Variants in NAALADL2 observed in about 807,000 individuals in gnomAD.
The protein encoded by NAALADL2 is inactive N-acetylated-alpha-linked acidic dipeptidase-like protein 2.
In NAALADL2, 76 loss-of-function variants were observed where a neutral mutation model predicts 87.2. The ratio of observed to expected loss-of-function variants is 0.87; its 90% CI spans 0.72 to 1.05. The LOEUF (loss-of-function observed/expected upper bound fraction) is 1.05, where lower values mean the gene tolerates loss of function less well. Ranked by LOEUF, NAALADL2 falls within the 50% of genes least tolerant of loss-of-function variation. The pLI is 0.00. For synonymous variants in NAALADL2, 354 were observed against 331.0 expected (o/e 1.07, Z -0.75); for missense variants, 1,089 against 945.8 (o/e 1.15, Z -1.99).
At chr3:174,530,501 C>T (rs1222458508) in intron 1 of NAALADL2, among the ~76,000 whole-genome samples, 1 of 152,160 alleles carries the variant, frequency 6.6e-6, no homozygotes, top group Non-Finnish European at 1.5e-5. Flanking sequence ...TACGAATTTA[C>T]TGTGTTAGTC....
At chr3:175,242,752 G>A (rs77566629) in intron 3 of NAALADL2, among the ~76,000 whole-genome samples, 6 of 152,018 alleles carry the variant, frequency 3.9e-5, no homozygotes, top group African/African-American at 1.2e-4. Flanking sequence ...TACATTAATC[G>A]CAGGGGACAC....
chr3:174,815,080 A>G (rs1720642905), intron 3 of NAALADL2, among the ~76,000 whole-genome samples: 1 of 152,172 alleles, frequency 6.6e-6, no homozygotes, highest in Non-Finnish European at 1.5e-5. Flanking sequence ...GAAACAAACT[A>G]TGTTAAAGGT....
intron 2 of NAALADL2, among the ~76,000 whole-genome samples, chr3:174,644,238 T>G (rs958363835): frequency 6.6e-6 from 1 of 152,226 alleles, no homozygotes; most frequent in Non-Finnish European, 1.5e-5. Flanking sequence ...GCAAGCCTAC[T>G]GTTGATCAGA....
At chr3:174,584,135 T>A (rs1434902727) in intron 2 of NAALADL2, among the ~76,000 whole-genome samples, 1 of 152,104 alleles carries the variant, frequency 6.6e-6, no homozygotes, top group Non-Finnish European at 1.5e-5. Context: ...AAGAGAAACC[T>A]GAGAAAGACT....
intron 5 of NAALADL2, among the ~76,000 whole-genome samples, chr3:175,443,555 C>T (rs910909287): frequency 2.0e-5 from 3 of 152,070 alleles, no homozygotes; most frequent in Non-Finnish European, 4.4e-5. Flanking sequence ...AGGGTGAAAG[C>T]ATAACTATAT....
chr3:174,489,924 A>G (rs147956824), intron 1 of NAALADL2, among the ~76,000 whole-genome samples: 2 of 152,136 alleles, frequency 1.3e-5, no homozygotes, highest in Non-Finnish European at 2.9e-5. Flanking sequence ...GAAGTTGTAG[A>G]GAAATGGGAA....
chr3:175,198,931 C>T (rs181542562), intron 2 of NAALADL2, among the ~76,000 whole-genome samples: 2 of 151,864 alleles, frequency 1.3e-5, no homozygotes, highest in Non-Finnish European at 2.9e-5. Context: ...AAAAACAGGA[C>T]CTATTTGCTG....
At chr3:175,133,422 C>T (rs902551515) in intron 2 of NAALADL2, among the ~76,000 whole-genome samples, 1 of 152,216 alleles carries the variant, frequency 6.6e-6, no homozygotes, top group Non-Finnish European at 1.5e-5. Context: ...TGCACTCCAG[C>T]CTGGGCACCA....
intron 1 of NAALADL2, among the ~76,000 whole-genome samples, chr3:174,878,837 C>A (rs750491855): frequency 1.4e-4 from 21 of 151,830 alleles, no homozygotes; most frequent in Non-Finnish European, 2.8e-4. Context: ...TGAAAAGGGG[C>A]CATGTGATTA....
chr3:175,701,120 C>T (rs1190760675), intron 11 of NAALADL2, among the ~76,000 whole-genome samples: 1 of 152,066 alleles, frequency 6.6e-6, no homozygotes. Flanking sequence ...CAGGCAGAAA[C>T]GTGCATTAGG....
At chr3:175,535,663 G>T (rs1734717523) in intron 9 of NAALADL2, among the ~76,000 whole-genome samples, 1 of 152,234 alleles carries the variant, frequency 6.6e-6, no homozygotes, top group East Asian at 1.9e-4. Flanking sequence ...CTCCTCAAGG[G>T]TGAGAAAGGG....
intron 11 of NAALADL2, among the ~76,000 whole-genome samples, chr3:175,681,846 ATGTGAAAT>A (rs1735649201): frequency 6.6e-6 from 1 of 152,182 alleles, no homozygotes; most frequent in African/African-American, 2.4e-5. Flanking sequence ...GCTTTGCTGA[ATGTGAAAT>A]TAGGTTAAAA....
At chr3:175,412,555 C>A (rs745637157) in intron 5 of NAALADL2, among the ~76,000 whole-genome samples, 12 of 152,058 alleles carry the variant, frequency 7.9e-5, no homozygotes, top group Non-Finnish European at 1.6e-4. Flanking sequence ...AAGAAATGAG[C>A]AGATTTACAT....
chr3:175,081,367 C>T (rs1277712816), intron 1 of NAALADL2, among the ~76,000 whole-genome samples: 5 of 152,122 alleles, frequency 3.3e-5, no homozygotes, highest in Non-Finnish European at 7.4e-5. Flanking sequence ...TTTTGATGTT[C>T]ACTGGTATCT....
At chr3:174,646,484 A>T (rs994144576) in intron 2 of NAALADL2, among the ~76,000 whole-genome samples, 1 of 152,196 alleles carries the variant, frequency 6.6e-6, no homozygotes, top group Admixed American at 6.5e-5. Context: ...CATATTTTAT[A>T]TGTGAACATA....
chr3:174,461,647 A>G (rs1716222144), intron 1 of NAALADL2, among the ~76,000 whole-genome samples: 1 of 152,112 alleles, frequency 6.6e-6, no homozygotes. Context: ...TTACAACTGA[A>G]TGTGAAATAA....
At chr3:174,786,282 G>A (rs1012026304) in intron 3 of NAALADL2, among the ~76,000 whole-genome samples, 1 of 151,544 alleles carries the variant, frequency 6.6e-6, no homozygotes, top group African/African-American at 2.4e-5. Context: ...AACCCCATCT[G>A]TACTAAAAAT....
At chr3:174,806,817 T>C (rs1171795771) in intron 3 of NAALADL2, among the ~76,000 whole-genome samples, 4 of 152,178 alleles carry the variant, frequency 2.6e-5, no homozygotes, top group Admixed American at 2.6e-4. Context: ...GACTATGACA[T>C]ATTTATGTAG....
intron 3 of NAALADL2, among the ~76,000 whole-genome samples, chr3:174,835,163 AAGACTTT>A (rs1460011461): frequency 6.6e-6 from 1 of 152,058 alleles, no homozygotes. Context: ...TGTTTTTGTC[AAGACTTT>A]AAAAATAACT....
Sources: gnomAD v4.1 joint callset for allele counts (sites outside exome capture counted in the v4.1 genomes callset) on GRCh38, gnomAD v4.1.1 for gene constraint, MANE v1.5 for transcripts, NCBI Gene and HGNC (gene_info 2026-07-23, HGNC 2026-07-21) for gene names.